The following OPRL1 variants were observed in gnomAD, a reference collection of about 807,000 sequenced individuals.
OPRL1 encodes the protein nociceptin receptor.
In OPRL1, 5 loss-of-function variants were observed where a neutral mutation model predicts 15.5. The ratio of observed to expected loss-of-function variants is 0.32; its 90% CI spans 0.17 to 0.68. The LOEUF (loss-of-function observed/expected upper bound fraction) is 0.68, where lower values mean the gene tolerates loss of function less well. Ranked by LOEUF, OPRL1 falls within the 30% of genes least tolerant of loss-of-function variation. The pLI is 0.72. For synonymous variants in OPRL1, 223 were observed against 230.2 expected, an observed-to-expected ratio of 0.97 and a Z score of 0.28; for missense variants, 406 against 515.3, an observed-to-expected ratio of 0.79 and a Z score of 2.05.
At position 64,090,203 on chromosome 20, in the gene OPRL1, G is replaced by A. The variant is rs1569272779; in HGVS notation, c.-184-1763G>A. On this transcript the variant is annotated intron_variant, in intron 1 of 4. Coordinates refer to ENST00000336866, the MANE Select transcript of OPRL1 (RefSeq NM_182647.4). The surrounding 1 kb of genome is among the most constrained non-coding windows in gnomAD (Gnocchi z 4.9). Reference sequence around the variant, plus strand: ...CATTTCTGAGTGTGTACCCATCCATGTCTCTGTGTGTTCACCCGTATGCCT... The same window carrying A: ...CATTTCTGAGTGTGTACCCATCCATATCTCTGTGTGTTCACCCGTATGCCT... Among the ~76,000 whole-genome samples the A allele has an allele frequency of 6.6e-6, 1 of 152,192 alleles. No individual in the cohort carries two copies. Among genetic ancestry groups the A allele is most frequent in the African/African-American group, 2.4e-5 (1 of 41,440 alleles).
At chr20:64,084,217 C>A in intron 1 of OPRL1, 1 of 1,411,374 alleles carries the variant, frequency 7.1e-7, no homozygotes, top group South Asian at 1.5e-5. Flanking sequence ...CTGGCGGCGG[C>A]ATCCTCCCGC....
At chr20:64,096,487 CAT>C (rs2145619995) in intron 3 of OPRL1, among the ~76,000 whole-genome samples, 1 of 152,252 alleles carries the variant, frequency 6.6e-6, no homozygotes, top group Non-Finnish European at 1.5e-5. Flanking sequence ...TCTTCAATGA[CAT>C]AAATTCCCCC....
intron 1 of OPRL1, among the ~76,000 whole-genome samples, chr20:64,081,818 G>A (rs912914852): frequency 6.6e-6 from 1 of 152,122 alleles, no homozygotes; most frequent in Non-Finnish European, 1.5e-5. Context: ...CCCGAGTGCC[G>A]GCCTGACCCT....
In OPRL1 at chr20:64,098,540, C is replaced by T. The variant is rs1011648037; in HGVS notation, c.854C>T (p.Ala285Val). 28 of 1,612,838 alleles carry T rather than the reference C, an allele frequency of 1.7e-5. No homozygotes were observed. Among genetic ancestry groups the T allele is most frequent in the East Asian group, 1.3e-4 (6 of 44,868 alleles). Reference sequence around the variant, plus strand: ...ACGCCTGTCCAGGTCTTCGTGCTGGCCCAAGGGCTGGGGGTTCAGCCGAGC... The same window carrying T: ...ACGCCTGTCCAGGTCTTCGTGCTGGTCCAAGGGCTGGGGGTTCAGCCGAGC... ...CWTPVQVFVLAQGLGVQPSSE... is the reference protein window; with the variant it reads ...CWTPVQVFVLVQGLGVQPSSE... The change falls in exon 5 of 5, where the codon GCC becomes GTC. Residue 285 changes from alanine to valine, a missense_variant. Ala to Val is a moderately conservative substitution (Grantham distance 64). Coordinates refer to ENST00000336866, the MANE Select transcript of OPRL1 (RefSeq NM_182647.4).
At position 64,098,835 on chromosome 20, in the gene OPRL1, G is replaced by A. The variant is rs199664458; in HGVS notation, c.*36G>A. 1.4e-3 allele frequency: 2,228 copies of A among 1,556,864 alleles called. 3 individuals are homozygous for A. The highest frequency in any genetic ancestry group is 1.8e-3 in the Non-Finnish European group (2,087 of 1,157,442). On this transcript the variant is annotated 3_prime_UTR_variant, in exon 5 of 5. Coordinates refer to ENST00000336866, the MANE Select transcript of OPRL1 (RefSeq NM_182647.4). ...ACCTGCCCATGGTGCCTGTCAGCCCGCAGAGCCCATCTACGCCCAACACAG... is the reference window on the plus strand; with the variant it reads ...ACCTGCCCATGGTGCCTGTCAGCCCACAGAGCCCATCTACGCCCAACACAG...
At chr20:64,085,147 G>A (rs1569270168) in intron 1 of OPRL1, 1 of 152,324 alleles carries the variant, frequency 6.6e-6, no homozygotes, top group Non-Finnish European at 1.5e-5. Context: ...TCTCCAGCTT[G>A]GGTGAGCGTC....
chr20:64,093,085 C>G (rs6010719), intron 3 of OPRL1, 132 bp downstream of exon 3: 160,664 of 828,108 alleles, frequency 0.19, 16,600 homozygotes, highest in South Asian at 0.25. Context: ...TGTTTTTGAC[C>G]CTGTCCAGGA....
In OPRL1 at chr20:64,083,371, G is replaced by A; in HGVS notation, c.-185+3019G>A. The A allele has an allele frequency of 6.2e-7, 1 of 1,607,874 alleles. No homozygotes were observed. Among genetic ancestry groups the A allele is most frequent in the South Asian group, 1.1e-5 (1 of 90,706 alleles). On this transcript the variant is annotated intron_variant, in intron 1 of 4. Transcript: ENST00000336866. The surrounding 1 kb of genome is among the most constrained non-coding windows in gnomAD (Gnocchi z 4.9). ...GGGGAGTGGCAGCAAAAAGACCAGCGAGCCTTCGGAGAATTATAACTTTAT... is the reference window on the plus strand; with the variant it reads ...GGGGAGTGGCAGCAAAAAGACCAGCAAGCCTTCGGAGAATTATAACTTTAT...
chr20:64,092,834 C>A lies in OPRL1; in HGVS notation c.114C>A (p.Leu38=), dbSNP rs776074996. The part of the protein sequence containing the change: ...NHSLLPPHLL[L]NASHGAFLPL... ...GTCTGCTGCCCCCGCATCTGCTGCT[C>A]AATGCCAGCCACGGCGCCTTCCTGC... The change falls in exon 3 of 5, where the codon CTC becomes CTA. Residue 38 remains leucine (L), a synonymous_variant. Coordinates refer to ENST00000336866, the MANE Select transcript of OPRL1 (RefSeq NM_182647.4). 6.2e-7 allele frequency: 1 copy of A among 1,612,772 alleles called. No homozygotes were observed. Among genetic ancestry groups the A allele is most frequent in the Non-Finnish European group, 8.5e-7 (1 of 1,179,944 alleles).
chr20:64,096,883 ACCAT>A (rs1243082273), intron 3 of OPRL1, among the ~76,000 whole-genome samples: 2 of 124,436 alleles, frequency 1.6e-5, no homozygotes, highest in Admixed American at 1.8e-4. Flanking sequence ...CACCATCATT[ACCAT>A]CATCATCACG....
At chr20:64,084,681 G>T (rs2145573674) in intron 1 of OPRL1, among the ~76,000 whole-genome samples, 1 of 152,320 alleles carries the variant, frequency 6.6e-6, no homozygotes, top group East Asian at 1.9e-4. Flanking sequence ...TCGAGGCCTA[G>T]ATGGTTGTGG....
Position 64,090,490 on chromosome 20 carries a change from C to T in OPRL1, c.-184-1476C>T, listed in dbSNP as rs1033275634. Among the ~76,000 whole-genome samples the T allele has an allele frequency of 1.4e-4, 22 of 152,182 alleles. No individual in the cohort carries two copies. Among genetic ancestry groups the T allele is most frequent in the African/African-American group, 2.9e-4 (12 of 41,436 alleles). On this transcript the variant is annotated intron_variant, in intron 1 of 4. Coordinates refer to ENST00000336866, the MANE Select transcript of OPRL1 (RefSeq NM_182647.4). The surrounding 1 kb of genome is among the most constrained non-coding windows in gnomAD (Gnocchi z 4.9). ...GGTCCCCACTCATGGAGAAGGTGCT[C>T]GGAGCAGGGTCTGAGCTGTGTGGGG...
rs774064313 is a variant in OPRL1, at chr20:64,083,351, G to A, written c.-185+2999G>A. ...CCCGCTTCCCTCGGGGTCCTGGGGA[G>A]TGGCAGCAAAAAGACCAGCGAGCCT... is the stretch of plus-strand genomic sequence containing the variant. On this transcript the variant is annotated intron_variant, in intron 1 of 4. Transcript: ENST00000336866. The surrounding 1 kb of genome is among the most constrained non-coding windows in gnomAD (Gnocchi z 4.9). 2 of 1,594,460 alleles carry A rather than the reference G, an allele frequency of 1.3e-6. No homozygotes were observed. The highest frequency in any genetic ancestry group is 1.7e-6 in the Non-Finnish European group (2 of 1,168,876).
intron 3 of OPRL1, among the ~76,000 whole-genome samples, chr20:64,093,451 G>A (rs1418790154): frequency 1.8e-5 from 2 of 110,228 alleles, no homozygotes; most frequent in African/African-American, 7.5e-5. Context: ...AACTTGTGGG[G>A]GCCATTGAGA....
Position 64,098,743 on chromosome 20 carries a change from G to T in OPRL1, c.1057G>T (p.Ala353Ser), listed in dbSNP as rs1029049425. ...VQVSDRVRSI[A>S]KDVALACKTS... The stretch of plus-strand genomic sequence containing the variant: ...GGTGTCTGACCGCGTGCGCAGCATT[G>T]CCAAGGACGTGGCCCTGGCCTGCAA... The change falls in exon 5 of 5, where the codon GCC (alanine) becomes TCC (serine). Residue 353 changes from alanine (A) to serine (S), a missense_variant. Ala to Ser is a moderately conservative substitution (Grantham distance 99). Coordinates refer to ENST00000336866, the MANE Select transcript of OPRL1 (RefSeq NM_182647.4). 4 of 1,609,816 alleles carry T rather than the reference G, an allele frequency of 2.5e-6. No homozygotes were observed. The highest frequency in any genetic ancestry group is 3.4e-6 in the Non-Finnish European group (4 of 1,179,912).
At position 64,097,759 on chromosome 20, in the gene OPRL1, C is replaced by T. The variant is rs748597829; in HGVS notation, c.234-43C>T. On this transcript the variant is annotated intron_variant, in intron 3 of 4. Coordinates refer to ENST00000336866, the MANE Select transcript of OPRL1 (RefSeq NM_182647.4). This position sits in a 1 kb window ranked among gnomAD's most constrained non-coding sequence, Gnocchi z 4.2. ...CTTGCCCTTTGCTGCCTGGTCCAGC[C>T]AGCATGGCCAAGTGAAGCCTTTCTT... 1.7e-5 allele frequency: 26 copies of T among 1,565,950 alleles called. No homozygotes were observed. In the South Asian group the frequency reaches 2.9e-4, roughly 17 times the overall value.
rs111854553 is a variant in OPRL1, at chr20:64,089,733, C to T, written c.-184-2233C>T. On this transcript the variant is annotated intron_variant, in intron 1 of 4. Coordinates refer to ENST00000336866, the MANE Select transcript of OPRL1 (RefSeq NM_182647.4). The surrounding 1 kb of genome is among the most constrained non-coding windows in gnomAD (Gnocchi z 5.5). ...TCCCACACTCTGCCCTGGCCTCTGA[C>T]ACTGGTTCCTGGTCCGGGGACATCA... is the stretch of plus-strand genomic sequence containing the variant. 8.8e-3 allele frequency among the ~76,000 whole-genome samples: 1,336 copies of T among 152,320 alleles called. 18 individuals are homozygous for T. The highest frequency in any genetic ancestry group is 0.03 in the African/African-American group (1,235 of 41,560).
Position 64,088,703 on chromosome 20 carries a change from G to T in OPRL1, c.-184-3263G>T, listed in dbSNP as rs546563502. On this transcript the variant is annotated intron_variant, in intron 1 of 4. Transcript: ENST00000336866. The stretch of plus-strand genomic sequence containing the variant: ...GCCAGGATCTGTGCAGGGAGGCCAG[G>T]GTCTGTGCAGAGTGGCCAGGATCTG... Among the ~76,000 whole-genome samples, 69 of 112,704 alleles carry T rather than the reference G, an allele frequency of 6.1e-4. 2 individuals carry two copies. Among genetic ancestry groups the T allele is most frequent in the East Asian group, 1.2e-3 (4 of 3,416 alleles). 73.9% of individuals were successfully genotyped at this position (112,704 alleles called of 152,430 possible).
chr20:64,087,189 G>A (rs1292948170), intron 1 of OPRL1, among the ~76,000 whole-genome samples: 9 of 71,186 alleles, frequency 1.3e-4, no homozygotes, highest in African/African-American at 5.5e-4. Context: ...TGTCATTCGC[G>A]TGTCATCGTT....
Sources: gnomAD v4.1 joint callset for allele counts (sites outside exome capture counted in the v4.1 genomes callset) on GRCh38, gnomAD v4.1.1 for gene constraint, Gnocchi (gnomAD v3.1) non-coding constraint, MANE v1.5 for transcripts, NCBI Gene and HGNC (gene_info 2026-07-23, HGNC 2026-07-21) for gene names.